Variants in TLE6 observed in about 807,000 individuals in gnomAD.
TLE6 encodes the protein TLE family member 6, subcortical maternal complex member.
In TLE6, 72 loss-of-function variants were observed where a neutral mutation model predicts 77.1. The ratio of observed to expected loss-of-function variants is 0.93; its 90% CI spans 0.77 to 1.14. The LOEUF is 1.14. Among genes scored for constraint, TLE6 ranks in the 50% most tolerant of loss-of-function variants. TLE6 has a pLI of 0.00. For synonymous variants in TLE6, 366 were observed against 287.3 expected, an observed-to-expected ratio of 1.27 and a Z score of -2.77; for missense variants, 843 against 747.6, an observed-to-expected ratio of 1.13 and a Z score of -1.49.
chr19:2,985,434 C>T (rs1215726960), intron 5 of TLE6, among the ~76,000 whole-genome samples: 6 of 122,172 alleles, frequency 4.9e-5, no homozygotes, highest in Admixed American at 8.9e-5. Flanking sequence ...ACAAGTCTCG[C>T]TCTGTCACCC....
At position 2,978,413 on chromosome 19, in the gene TLE6, G is replaced by A. The variant is rs2088723812; in HGVS notation, c.51+129G>A. On this transcript the variant is annotated intron_variant, in intron 2 of 16. Coordinates refer to ENST00000246112, the MANE Select transcript of TLE6 (RefSeq NM_001143986.2). Reference sequence around the variant, plus strand: ...GCAGCTGAAGACAATACTGGTCGCTGCTACACTCAAGACAGGTGCCAAGGA... The same window carrying A: ...GCAGCTGAAGACAATACTGGTCGCTACTACACTCAAGACAGGTGCCAAGGA... 3 of 887,238 alleles carry A rather than the reference G, an allele frequency of 3.4e-6. No individual in the cohort carries two copies. In the East Asian group the frequency reaches 8.0e-5, roughly 24 times the overall value. The allele number at this position is 887,238 out of a possible 1,614,324, so 55.0% of individuals were successfully genotyped here.
At position 2,989,290 on chromosome 19, in the gene TLE6, C is replaced by T; in HGVS notation, c.970C>T (p.Pro324Ser). Residue 324 changes from proline (P) to serine (S), a missense_variant, in exon 12 of 17, where the codon CCT (proline) becomes TCT (serine). By Grantham distance (74) the Pro-to-Ser change is moderately conservative. Coordinates refer to ENST00000246112, the MANE Select transcript of TLE6 (RefSeq NM_001143986.2). ...LTGQVAEDRF[P>S]ESHLPIQTPG... Reference sequence around the variant, plus strand: ...TGGACAGGTGGCTGAGGACAGGTTCCCTGAGAGCCACCTGCCTATACAGGT... The same window carrying T: ...TGGACAGGTGGCTGAGGACAGGTTCTCTGAGAGCCACCTGCCTATACAGGT... 6.2e-7 allele frequency: 1 copy of T among 1,613,222 alleles called. No homozygotes were observed. Among genetic ancestry groups the T allele is most frequent in the Non-Finnish European group, 8.5e-7 (1 of 1,180,038 alleles).
At chr19:2,993,037 A>G (rs1341869551) in intron 14 of TLE6, among the ~76,000 whole-genome samples, 1 of 148,196 alleles carries the variant, frequency 6.7e-6, no homozygotes, top group Non-Finnish European at 1.5e-5. Context: ...AAAAAAAAAA[A>G]AAAAAAAAAA....
intron 5 of TLE6, among the ~76,000 whole-genome samples, chr19:2,982,396 G>A (rs2088816352): frequency 6.6e-6 from 1 of 152,002 alleles, no homozygotes; most frequent in Non-Finnish European, 1.5e-5. Context: ...AAATTAGCCA[G>A]GCGTGGTGGC....
In TLE6 at chr19:2,989,726, C is replaced by A. The variant is rs765998673; in HGVS notation, c.1185C>A (p.Phe395Leu). ...LDANLDANLA[F>L]ASFTSGVVRI... The stretch of plus-strand genomic sequence containing the variant: ...CCAACCTGGATGCCAACCTGGCCTT[C>A]GCCAGCTTCACCAGTGGTGTGGTCA... Residue 395 changes from phenylalanine (F) to leucine (L), a missense_variant, in exon 13 of 17, where the codon TTC becomes TTA. Phe to Leu is a conservative substitution (Grantham distance 22, BLOSUM62 0). Coordinates refer to ENST00000246112, the MANE Select transcript of TLE6 (RefSeq NM_001143986.2). 1.2e-6 allele frequency: 2 copies of A among 1,614,210 alleles called. No individual in the cohort carries two copies. Among genetic ancestry groups the A allele is most frequent in the African/African-American group, 2.7e-5 (2 of 75,060 alleles).
intron 11 of TLE6, among the ~76,000 whole-genome samples, chr19:2,988,469 G>A (rs1365522988): frequency 6.6e-6 from 1 of 152,120 alleles, no homozygotes; most frequent in East Asian, 1.9e-4. Flanking sequence ...GTGGTGGTGG[G>A]TGCCTTTAGT....
chr19:2,991,395 TACACACACACACACAC>T (rs373594184), intron 13 of TLE6, among the ~76,000 whole-genome samples: 1 of 114,122 alleles, frequency 8.8e-6, no homozygotes, highest in African/African-American at 3.8e-5. Flanking sequence ...TATATATATA[TACACACACACACACAC>T]ACACACACAC....
chr19:2,989,646 C>T lies in TLE6; in HGVS notation c.1105C>T (p.Leu369=), dbSNP rs1431312302. 2 of 1,614,216 alleles carry T rather than the reference C, an allele frequency of 1.2e-6. No individual in the cohort carries two copies. The highest frequency in any genetic ancestry group is 1.7e-4 in the Middle Eastern group (1 of 6,058). ...CGTGTGGGACCTGGCGGCGCCCTCC[C>T]TGCATGTGAAGGAGCAGTTGCCCTG... ...VSVWDLAAPS[L]HVKEQLPCAG... is the part of the protein sequence containing the mutation. Residue 369 remains leucine, a synonymous_variant, in exon 13 of 17, where the codon CTG becomes TTG. Transcript: ENST00000246112.
intron 15 of TLE6, among the ~76,000 whole-genome samples, 173 bp from the exon 16 acceptor site, chr19:2,993,845 AG>A (rs2089143919): frequency 7.7e-6 from 1 of 130,562 alleles, no homozygotes; most frequent in Non-Finnish European, 1.5e-5. Context: ...GAGCCCGGGG[AG>A]GCTGAGGCCA....
chr19:2,985,399 CTTTTTTT>C (rs1158204473), intron 5 of TLE6, among the ~76,000 whole-genome samples: 1 of 89,988 alleles, frequency 1.1e-5, no homozygotes, highest in Non-Finnish European at 2.1e-5. Context: ...TGCTTGAAGC[CTTTTTTT>C]TTTTTTTTTT....
chr19:2,981,513 C>T (rs2088797232), intron 3 of TLE6, 25 bp from the exon 4 acceptor site: 1 of 1,551,176 alleles, frequency 6.4e-7, no homozygotes, highest in African/African-American at 1.4e-5. Context: ...CACAGGTCTT[C>T]CAGCCTGTCC....
intron 2 of TLE6, among the ~76,000 whole-genome samples, 166 bp downstream of exon 2, chr19:2,978,450 T>TA (rs980139339): frequency 1.5e-4 from 23 of 152,196 alleles, no homozygotes; most frequent in Admixed American, 3.9e-4. Flanking sequence ...CCGTGTTTTT[T>TA]AAAAAAAATT....
chr19:2,982,535 CAAAAAA>C (rs1200316710), intron 5 of TLE6, among the ~76,000 whole-genome samples: 6 of 41,842 alleles, frequency 1.4e-4, no homozygotes, highest in South Asian at 9.1e-4. Context: ...GACTCTGTCT[CAAAAAA>C]AAAAAAAAAA....
chr19:2,989,797 G>A lies in TLE6; in HGVS notation c.1244+12G>A. 1 of 1,608,012 alleles carries A rather than the reference G, an allele frequency of 6.2e-7. No individual in the cohort carries two copies. Among genetic ancestry groups the A allele is most frequent in the Non-Finnish European group, 8.5e-7 (1 of 1,175,742 alleles). ...CAGAGTGTGGTCAGGTGCGTTTGGG[G>A]GGTGGGAAGGGGAAGCATCCTGTGC... On this transcript the variant is annotated intron_variant, in intron 13 of 16. Transcript: ENST00000246112.
At chr19:2,982,079 C>G (rs2088809371) in intron 4 of TLE6, 69 bp from the exon 5 acceptor site, 2 of 1,515,992 alleles carry the variant, frequency 1.3e-6, no homozygotes, top group African/African-American at 1.4e-5. Context: ...GGTAGAGCAG[C>G]TTGCCCAGGG....
chr19:2,990,464 C>T (rs965202179), intron 13 of TLE6, among the ~76,000 whole-genome samples: 4 of 150,498 alleles, frequency 2.7e-5, no homozygotes, highest in African/African-American at 7.3e-5. Flanking sequence ...ATTAGCCAGG[C>T]GCGGTGGTGG....
intron 8 of TLE6, 109 bp downstream of exon 8, chr19:2,987,481 C>A: frequency 6.6e-7 from 1 of 1,515,278 alleles, no homozygotes; most frequent in East Asian, 2.3e-5. Context: ...TTCCTTCCAT[C>A]CTGCCCCTCG....
chr19:2,977,982 G>C (rs998827753), intron 1 of TLE6, among the ~76,000 whole-genome samples: 1 of 151,978 alleles, frequency 6.6e-6, no homozygotes, highest in Admixed American at 6.6e-5. Context: ...GGGAGGCAAG[G>C]CTCAGTTCTT....
Position 2,978,294 on chromosome 19 carries a change from G to T in TLE6, c.51+10G>T. On this transcript the variant is annotated intron_variant, in intron 2 of 16. Coordinates refer to ENST00000246112, the MANE Select transcript of TLE6 (RefSeq NM_001143986.2). ...CCCGAAAAGCACTTCGGTGAGGAGG[G>T]CATGTGGTGGGATCAGCCCTCAAGG... is the stretch of plus-strand genomic sequence containing the variant. 1 of 1,551,284 alleles carries T rather than the reference G, an allele frequency of 6.4e-7. No homozygotes were observed. Among genetic ancestry groups the T allele is most frequent in the Non-Finnish European group, 8.7e-7 (1 of 1,146,962 alleles).
Sources: gnomAD v4.1 joint callset for allele counts (sites outside exome capture counted in the v4.1 genomes callset) on GRCh38, gnomAD v4.1.1 for gene constraint, MANE v1.5 for transcripts, NCBI Gene and HGNC (gene_info 2026-07-23, HGNC 2026-07-21) for gene names.